TMX4: variants seen among roughly 807,000 people sequenced by gnomAD.
TMX4 encodes thioredoxin related transmembrane protein 4.
In TMX4, 23 loss-of-function variants were observed where a neutral mutation model predicts 33.3. The observed-to-expected ratio is 0.69, with a 90% CI of 0.50 to 0.98. TMX4 has a LOEUF of 0.98. Ranked by LOEUF, TMX4 falls within the 50% of genes least tolerant of loss-of-function variation. The pLI is 0.00. For missense variants in TMX4, 399 were observed against 448.9 expected, an observed-to-expected ratio of 0.89 and a Z score of 1.01; for synonymous variants, 164 against 161.5, an observed-to-expected ratio of 1.02 and a Z score of -0.12.
In TMX4 at chr20:8,000,539, G is replaced by A. The variant is rs148208076; in HGVS notation, c.339-679C>T. 5.1e-3 allele frequency among the ~76,000 whole-genome samples: 770 copies of A among 152,124 alleles called. 2 individuals are homozygous for A. The highest frequency in any genetic ancestry group is 8.2e-3 in the Admixed American group (125 of 15,266). On this transcript the variant is annotated intron_variant, in intron 3 of 7. Transcript: ENST00000246024. ...ACCACTTCTTTCTTCCTTGTGCTTGGCTTTTATGACAGGAGCTCTCTGGAC... is the reference window on the plus strand; with the variant it reads ...ACCACTTCTTTCTTCCTTGTGCTTGACTTTTATGACAGGAGCTCTCTGGAC...
chr20:8,019,564 C>A lies in TMX4; in HGVS notation c.50G>T (p.Trp17Leu). 1.4e-6 allele frequency: 2 copies of A among 1,424,746 alleles called. No homozygotes were observed. The highest frequency in any genetic ancestry group is 1.5e-5 in the South Asian group (1 of 66,728). 88.3% of individuals were successfully genotyped at this position (1,424,746 alleles called of 1,614,324 possible). A position where few individuals can be genotyped will look rare whatever the true frequency, so the allele number is the denominator to read the frequency against. The change falls in exon 1 of 8, where the codon TGG becomes TTG. Residue 17 changes from tryptophan to leucine, a missense_variant. Trp to Leu is a moderately conservative substitution (Grantham distance 61, BLOSUM62 -2). Coordinates refer to ENST00000246024, the MANE Select transcript of TMX4 (RefSeq NM_021156.4). Reference protein sequence around the residue: ...GPQLTALLAAWIAAVAATAGP... With the variant: ...GPQLTALLAALIAAVAATAGP... The stretch of plus-strand genomic sequence containing the variant: ...TGCCGTCGCCGCCACAGCCGCGATC[C>A]AGGCGGCCAGGAGCGCCGTTAGCTG...
rs1015644015 is a variant in TMX4 at position 7,978,811 on chromosome 20, G to A, written c.*3440C>T. On this transcript the variant is annotated 3_prime_UTR_variant, in exon 8 of 8. Coordinates refer to ENST00000246024, the MANE Select transcript of TMX4 (RefSeq NM_021156.4). ...TTGCCTGTATGTTGCTTCAATATGAGATCTCTGAGCAAGCTGGGTTGGTTT... is the reference window on the plus strand; with the variant it reads ...TTGCCTGTATGTTGCTTCAATATGAAATCTCTGAGCAAGCTGGGTTGGTTT... 6.6e-6 allele frequency: 1 copy of A among 151,868 alleles called. No individual in the cohort carries two copies. The highest frequency in any genetic ancestry group is 1.5e-5 in the Non-Finnish European group (1 of 68,040). The allele number at this position is 151,868 out of a possible 1,614,324, so 9.4% of individuals were successfully genotyped here. A position where few individuals can be genotyped will look rare whatever the true frequency, so the allele number is the denominator to read the frequency against.
chr20:8,010,796 T>A (rs1227418536), intron 1 of TMX4, among the ~76,000 whole-genome samples: 1 of 152,162 alleles, frequency 6.6e-6, no homozygotes, highest in East Asian at 1.9e-4. Context: ...CTGTGGTAAT[T>A]CTGAACATTC....
chr20:7,999,277 T>TGGG (rs1465686680), intron 4 of TMX4, among the ~76,000 whole-genome samples: 1 of 152,214 alleles, frequency 6.6e-6, no homozygotes, highest in African/African-American at 2.4e-5. Context: ...AGGCCAAAGC[T>TGGG]ATCCCCTGTG....
chr20:8,004,738 C>T (rs2050720917), intron 2 of TMX4, among the ~76,000 whole-genome samples: 2 of 152,144 alleles, frequency 1.3e-5, no homozygotes, highest in Admixed American at 1.3e-4. Flanking sequence ...ATTAAGAAAA[C>T]AGAGATAGCT....
At position 7,979,806 on chromosome 20, in the gene TMX4, C is replaced by A. The variant is rs2050597559; in HGVS notation, c.*2445G>T. On this transcript the variant is annotated 3_prime_UTR_variant, in exon 8 of 8. Transcript: ENST00000246024. ...TAGATATAGGTCAAATATCCCTTAT[C>A]CAAAATGTGTGGGACCAGAAGTGTT... 1 of 151,206 alleles carries A rather than the reference C, an allele frequency of 6.6e-6. No homozygotes were observed. The highest frequency in any genetic ancestry group is 1.5e-5 in the Non-Finnish European group (1 of 67,894). The allele number at this position is 151,206 out of a possible 1,614,324, so 9.4% of individuals were successfully genotyped here.
rs1287556764 is a variant in TMX4 at position 7,981,363 on chromosome 20, T to C, written c.*888A>G. ...TGGCAAGACTTAGAGGACTTCTGGC[T>C]TGAAAAATATTGCTTAGAAAACTTA... On this transcript the variant is annotated 3_prime_UTR_variant, in exon 8 of 8. Coordinates refer to ENST00000246024, the MANE Select transcript of TMX4 (RefSeq NM_021156.4). 6.6e-6 allele frequency: 1 copy of C among 152,218 alleles called. No individual in the cohort carries two copies. Among genetic ancestry groups the C allele is most frequent in the East Asian group, 1.9e-4 (1 of 5,192 alleles). The allele number at this position is 152,218 out of a possible 1,614,324, so 9.4% of individuals were successfully genotyped here.
In TMX4 at chr20:7,999,975, G is replaced by C. The variant is rs1178369927; in HGVS notation, c.339-115C>G. On this transcript the variant is annotated intron_variant, in intron 3 of 7. Transcript: ENST00000246024. Reference sequence around the variant, plus strand: ...CTGAACGCCATCTGAACTTTAAATTGACTCAATTGAAAAATATACATAGAG... The same window carrying C: ...CTGAACGCCATCTGAACTTTAAATTCACTCAATTGAAAAATATACATAGAG... The C allele has an allele frequency of 1.6e-5, 17 of 1,091,074 alleles. No homozygotes were observed. The East Asian group carries it at 4.5e-4, about 29-fold the overall frequency. 67.6% of individuals were successfully genotyped at this position (1,091,074 alleles called of 1,614,324 possible). A position where few individuals can be genotyped will look rare whatever the true frequency, so the allele number is the denominator to read the frequency against.
chr20:7,983,955 A>T, intron 6 of TMX4, 98 bp from the exon 7 acceptor site: 1 of 782,436 alleles, frequency 1.3e-6, no homozygotes, highest in Non-Finnish European at 2.1e-6. Context: ...ATATTCTTAG[A>T]CTAATAATTA....
intron 6 of TMX4, among the ~76,000 whole-genome samples, chr20:7,985,513 T>C (rs1472302501): frequency 6.6e-6 from 1 of 151,934 alleles, no homozygotes; most frequent in Non-Finnish European, 1.5e-5. Context: ...GCTCAAATGA[T>C]CCACCTGCCT....
intron 4 of TMX4, among the ~76,000 whole-genome samples, chr20:7,997,336 G>A (rs574448438): frequency 6.6e-6 from 1 of 152,074 alleles, no homozygotes; most frequent in East Asian, 1.9e-4. Context: ...CAAATCGTAT[G>A]TTCAATTTGT....
At chr20:8,008,915 C>T (rs887139576) in intron 2 of TMX4, among the ~76,000 whole-genome samples, 1 of 152,122 alleles carries the variant, frequency 6.6e-6, no homozygotes, top group Admixed American at 6.5e-5. Flanking sequence ...ATAGAAATCT[C>T]GCTCCACGGG....
At chr20:7,996,116 A>AT in intron 4 of TMX4, 45 bp from the exon 5 acceptor site, 1 of 1,176,034 alleles carries the variant, frequency 8.5e-7, no homozygotes, top group Non-Finnish European at 1.2e-6. Context: ...TATATACTAT[A>AT]AAAAAAAAAT....
intron 5 of TMX4, among the ~76,000 whole-genome samples, chr20:7,991,203 T>A (rs2050653126): frequency 6.6e-6 from 1 of 152,222 alleles, no homozygotes; most frequent in Admixed American, 6.5e-5. Flanking sequence ...TAGCACATCT[T>A]ATTTTAGCTA....
Position 7,999,760 on chromosome 20 carries a change from T to A in TMX4, c.439A>T (p.Thr147Ser). ...AGAGAAGCCGGGGATTTCCAGCCAG[T>A]CAGAGGCTCGACTGATTGCCATTTC... ...EKKWQSVEPL[T>S]GWKSPASLTM... The change falls in exon 4 of 8, where the codon ACT becomes TCT. Residue 147 changes from threonine to serine, a missense_variant. Transcript: ENST00000246024. The A allele has an allele frequency of 1.2e-6, 2 of 1,612,744 alleles. No homozygotes were observed. The highest frequency in any genetic ancestry group is 1.7e-6 in the Non-Finnish European group (2 of 1,179,600).
At chr20:8,010,415 G>A (rs778821767) in intron 1 of TMX4, 100 bp from the exon 2 acceptor site, 8 of 748,098 alleles carry the variant, frequency 1.1e-5, no homozygotes, top group Non-Finnish European at 1.5e-5. Flanking sequence ...TATTAAAAAA[G>A]GGAAATTATA....
rs1488578724 is a variant in TMX4 at position 7,980,207 on chromosome 20, C to G, written c.*2044G>C. 1 of 152,126 alleles carries G rather than the reference C, an allele frequency of 6.6e-6. No homozygotes were observed. The highest frequency in any genetic ancestry group is 6.6e-5 in the Admixed American group (1 of 15,266). The allele number at this position is 152,126 out of a possible 1,614,324, so 9.4% of individuals were successfully genotyped here. On this transcript the variant is annotated 3_prime_UTR_variant, in exon 8 of 8. Coordinates refer to ENST00000246024, the MANE Select transcript of TMX4 (RefSeq NM_021156.4). The stretch of plus-strand genomic sequence containing the variant: ...CAGTGTAGACTGTATTTCTGCCTTA[C>G]CTTCTCTCTAGTCAAATACTCCACT...
intron 4 of TMX4, among the ~76,000 whole-genome samples, chr20:7,997,850 G>A (rs2050683340): frequency 6.6e-6 from 1 of 152,192 alleles, no homozygotes; most frequent in Admixed American, 6.5e-5. Context: ...AATGCTGGAG[G>A]TGGGGTCTGG....
At chr20:8,007,491 AATCAT>A (rs1195697464) in intron 2 of TMX4, among the ~76,000 whole-genome samples, 1 of 152,178 alleles carries the variant, frequency 6.6e-6, no homozygotes, top group Non-Finnish European at 1.5e-5. Context: ...TTAAAATATA[AATCAT>A]ATCATATCTC....
Sources: allele counts gnomAD v4.1 joint callset (sites outside exome capture counted in the v4.1 genomes callset), GRCh38; gene constraint gnomAD v4.1.1; transcripts MANE v1.5; gene names NCBI Gene and HGNC (gene_info 2026-07-23, HGNC 2026-07-21).